Variants in MGAT3 observed in about 807,000 individuals in gnomAD.
MGAT3 encodes GlcNAc-T III.
Under a neutral mutation model 29.8 loss-of-function variants are expected in MGAT3, and 9 were observed. The ratio of observed to expected loss-of-function variants is 0.30; its 90% confidence interval spans 0.18 to 0.53. The LOEUF (loss-of-function observed/expected upper bound fraction) is 0.53. Ranked by LOEUF, MGAT3 falls within the 20% of genes least tolerant of loss-of-function variation. MGAT3 has a pLI of 0.96. For missense variants in MGAT3, 557 were observed against 769.5 expected (o/e 0.72, Z 3.27); for synonymous variants, 397 against 348.9 (o/e 1.14, Z -1.54).
chr22:39,489,064 A>AGGGGGGGGG lies in MGAT3; in HGVS notation c.*116_*117insGGGGGGGGG. On this transcript the variant is annotated 3_prime_UTR_variant, in exon 2 of 2. Coordinates refer to ENST00000341184, the MANE Select transcript of MGAT3 (RefSeq NM_002409.5). ...TTGAGGGGACCAGGAGTGGGTGGGG[A>AGGGGGGGGG]GTGGGGGTGGGGGTAGGGTTTCCCT... The AGGGGGGGGG allele has an allele frequency of 7.9e-6, 3 of 379,744 alleles. No homozygotes were observed. The highest frequency in any genetic ancestry group is 9.6e-6 in the Non-Finnish European group (2 of 208,080). The allele number at this position is 379,744 out of a possible 1,614,324, so 23.5% of individuals were successfully genotyped here.
At position 39,488,534 on chromosome 22, in the gene MGAT3, A is replaced by T; in HGVS notation, c.1187A>T (p.Glu396Val). The change falls in exon 2 of 2, where the codon GAG (glutamate) becomes GTG (valine). Residue 396 changes from glutamate to valine, a missense_variant. Transcript: ENST00000341184. ...YYTMPNFRQY[E>V]NRTGHILVQW... is the part of the protein sequence containing the mutation. ...ACCATGCCCAACTTCAGACAGTATG[A>T]GAACCGCACCGGCCACATCCTGGTG... is the stretch of plus-strand genomic sequence containing the variant. 1.2e-6 allele frequency: 2 copies of T among 1,613,278 alleles called. No individual in the cohort carries two copies. Among genetic ancestry groups the T allele is most frequent in the Non-Finnish European group, 1.7e-6 (2 of 1,180,022 alleles).
chr22:39,481,663 G>A (rs1000274624), intron 1 of MGAT3, among the ~76,000 whole-genome samples: 8 of 152,192 alleles, frequency 5.3e-5, no homozygotes, highest in African/African-American at 1.9e-4. Flanking sequence ...GACTCCTCAG[G>A]GGCTCTGTCA....
intron 1 of MGAT3, among the ~76,000 whole-genome samples, chr22:39,465,299 C>T (rs1928609023): frequency 6.6e-6 from 1 of 152,138 alleles, no homozygotes; most frequent in African/African-American, 2.4e-5. Context: ...TTCCCAGGGC[C>T]CCAGACGTTA....
At chr22:39,461,862 TG>T (rs1234926652) in intron 1 of MGAT3, among the ~76,000 whole-genome samples, 9 of 151,902 alleles carry the variant, frequency 5.9e-5, no homozygotes, top group Non-Finnish European at 1.3e-4. Flanking sequence ...CCTCTACAGA[TG>T]GGGAAATTGA....
At chr22:39,464,068 G>T (rs1414722245) in intron 1 of MGAT3, among the ~76,000 whole-genome samples, 2 of 150,960 alleles carry the variant, frequency 1.3e-5, no homozygotes, top group Non-Finnish European at 2.9e-5. Context: ...GCCCCCGCCT[G>T]TGTTCGTAGC....
chr22:39,472,983 A>AG (rs763865729), intron 1 of MGAT3: 2 of 152,192 alleles, frequency 1.3e-5, no homozygotes, highest in Non-Finnish European at 2.9e-5. Flanking sequence ...GCCACAGGGA[A>AG]GGGTTGGATG....
chr22:39,479,999 T>G (rs1240932127), intron 1 of MGAT3, among the ~76,000 whole-genome samples: 1 of 152,206 alleles, frequency 6.6e-6, no homozygotes, highest in Non-Finnish European at 1.5e-5. Context: ...AGGGCAGAGA[T>G]AATGATACCC....
intron 1 of MGAT3, among the ~76,000 whole-genome samples, chr22:39,458,333 AC>A (rs1334159586): frequency 6.6e-6 from 1 of 151,432 alleles, no homozygotes; most frequent in African/African-American, 2.4e-5. Context: ...AGGTCGGATG[AC>A]CCCCAGCCCC....
At chr22:39,459,305 C>T (rs1222927354) in intron 1 of MGAT3, among the ~76,000 whole-genome samples, 1 of 152,150 alleles carries the variant, frequency 6.6e-6, no homozygotes, top group Non-Finnish European at 1.5e-5. Context: ...AACTCCTGAC[C>T]TCAAGTGATC....
chr22:39,489,932 GGGGGCCAGAAA>G lies in MGAT3; in HGVS notation c.*991_*1001del, dbSNP rs1929407416. 6.0e-6 allele frequency: 1 copy of G among 167,450 alleles called. No individual in the cohort carries two copies. 10.4% of individuals were successfully genotyped at this position (167,450 alleles called of 1,614,324 possible). A position where few individuals can be genotyped will look rare whatever the true frequency, so the allele number is the denominator to read the frequency against. On this transcript the variant is annotated 3_prime_UTR_variant, in exon 2 of 2. Coordinates refer to ENST00000341184, the MANE Select transcript of MGAT3 (RefSeq NM_002409.5). The stretch of plus-strand genomic sequence containing the variant: ...TGCCCTTCCTTGGGGCAGGCTGGCT[GGGGGCCAGAAA>G]GGGGCCATGAGGCTGTCTTGGGCCC...
chr22:39,483,980 C>T (rs1398456847), intron 1 of MGAT3, among the ~76,000 whole-genome samples: 2 of 152,220 alleles, frequency 1.3e-5, no homozygotes, highest in East Asian at 1.9e-4. Flanking sequence ...TTGTCGGGAT[C>T]AGCAGCTCCA....
At chr22:39,486,920 G>T (rs1228278197) in intron 1 of MGAT3, among the ~76,000 whole-genome samples, 3 of 152,198 alleles carry the variant, frequency 2.0e-5, no homozygotes, top group African/African-American at 7.2e-5. Flanking sequence ...GATAGGAGGG[G>T]AGGGACAGGA....
chr22:39,481,039 C>T (rs1929110504), intron 1 of MGAT3, among the ~76,000 whole-genome samples: 1 of 152,164 alleles, frequency 6.6e-6, no homozygotes, highest in Non-Finnish European at 1.5e-5. Context: ...AAGGTCAGGC[C>T]ATGGCCTCCC....
rs1601732394 is a variant in MGAT3, at chr22:39,489,093, GAAGCCCTTGTGAATC to G, written c.*148_*162del. Reference sequence around the variant, plus strand: ...GGGGTGGGGGTAGGGTTTCCCTACTGAAGCCCTTGTGAATCAAGGGTCAGGCCTTTGAGCTCAGAA... The same window carrying G: ...GGGGTGGGGGTAGGGTTTCCCTACTGAAGGGTCAGGCCTTTGAGCTCAGAA... On this transcript the variant is annotated 3_prime_UTR_variant, in exon 2 of 2. Coordinates refer to ENST00000341184, the MANE Select transcript of MGAT3 (RefSeq NM_002409.5). 1 of 1,103,732 alleles carries G rather than the reference GAAGCCCTTGTGAATC, an allele frequency of 9.1e-7. No homozygotes were observed. The highest frequency in any genetic ancestry group is 2.6e-5 in the East Asian group (1 of 38,574). The allele number at this position is 1,103,732 out of a possible 1,614,324, so 68.4% of individuals were successfully genotyped here.
rs1200643852 is a variant in MGAT3, at chr22:39,457,970, C to T, written c.-2+413C>T. ...GGGCTGGGGTGGGAGGCCTCCGCGC[C>T]CGCCTTCCCCACCCCCGACCCCAGA... On this transcript the variant is annotated intron_variant, in intron 1 of 1. Transcript: ENST00000341184. The surrounding 1 kb of genome is among the most constrained non-coding windows in gnomAD (Gnocchi z 6.8). Among the ~76,000 whole-genome samples the T allele has an allele frequency of 6.6e-6, 1 of 151,958 alleles. No individual in the cohort carries two copies. The highest frequency in any genetic ancestry group is 2.4e-5 in the African/African-American group (1 of 41,406).
chr22:39,465,989 G>A lies in MGAT3; in HGVS notation c.-2+8432G>A, dbSNP rs578231228. On this transcript the variant is annotated intron_variant, in intron 1 of 1. Coordinates refer to ENST00000341184, the MANE Select transcript of MGAT3 (RefSeq NM_002409.5). Reference sequence around the variant, plus strand: ...TGATAGAGCAAAATGCGCACTGCCCGAAGGTGACAGAAACCCATGTTGATG... The same window carrying A: ...TGATAGAGCAAAATGCGCACTGCCCAAAGGTGACAGAAACCCATGTTGATG... Among the ~76,000 whole-genome samples, 6 of 151,728 alleles carry A rather than the reference G, an allele frequency of 4.0e-5. 1 individual carries two copies. In the South Asian group the frequency reaches 1.0e-3, roughly 26 times the overall value.
At chr22:39,466,757 T>C (rs1427545670) in intron 1 of MGAT3, among the ~76,000 whole-genome samples, 1 of 152,258 alleles carries the variant, frequency 6.6e-6, no homozygotes, top group Non-Finnish European at 1.5e-5. Context: ...GCTGATGTTG[T>C]TACTGACCCC....
At chr22:39,469,545 C>T (rs1276475753) in intron 1 of MGAT3, among the ~76,000 whole-genome samples, 1 of 152,180 alleles carries the variant, frequency 6.6e-6, no homozygotes, top group Non-Finnish European at 1.5e-5. Context: ...GCATCCGCTC[C>T]CCACTGCCTA....
chr22:39,470,314 G>A (rs1928772354), intron 1 of MGAT3, among the ~76,000 whole-genome samples: 1 of 152,240 alleles, frequency 6.6e-6, no homozygotes, highest in South Asian at 2.1e-4. Flanking sequence ...GCAGGGACCT[G>A]AGGAAGGGCG....
Sources: allele counts gnomAD v4.1 joint callset (sites outside exome capture counted in the v4.1 genomes callset), GRCh38; gene constraint gnomAD v4.1.1; non-coding constraint Gnocchi (gnomAD v3.1); transcripts MANE v1.5; gene names NCBI Gene and HGNC (gene_info 2026-07-23, HGNC 2026-07-21).